The following PTGDR2 variants were observed in gnomAD, a reference collection of about 807,000 sequenced individuals.
PTGDR2 encodes prostaglandin D2 receptor 2.
For missense variants in PTGDR2, 544 were observed against 576.6 expected (o/e 0.94, Z 0.58); for synonymous variants, 276 against 278.4 (o/e 0.99, Z 0.09).
rs1855285272 is a variant in PTGDR2, at chr11:60,852,533, T to C, written c.*2A>G. 1 of 1,261,814 alleles carries C rather than the reference T, an allele frequency of 7.9e-7. No individual in the cohort carries two copies. The highest frequency in any genetic ancestry group is 4.2e-5 in the Admixed American group (1 of 23,852). 78.2% of individuals were successfully genotyped at this position (1,261,814 alleles called of 1,614,324 possible). ...TGAGTGCCGCCCTACGTGGGCCGGGTTCTAACTCGAGGTGCTGCTCAGCGC... is the reference window on the plus strand; with the variant it reads ...TGAGTGCCGCCCTACGTGGGCCGGGCTCTAACTCGAGGTGCTGCTCAGCGC... On this transcript the variant is annotated 3_prime_UTR_variant, in exon 2 of 2. Transcript: ENST00000332539.
Position 60,852,433 on chromosome 11 carries a change from C to T in PTGDR2, c.*102G>A. 1 of 1,058,010 alleles carries T rather than the reference C, an allele frequency of 9.5e-7. No homozygotes were observed. The highest frequency in any genetic ancestry group is 1.2e-6 in the Non-Finnish European group (1 of 829,478). 65.5% of individuals were successfully genotyped at this position (1,058,010 alleles called of 1,614,324 possible). A position where few individuals can be genotyped will look rare whatever the true frequency, so the allele number is the denominator to read the frequency against. The stretch of plus-strand genomic sequence containing the variant: ...AAAATGCAGGTGCCTGGGTCCCGCC[C>T]CTCGGACTTTGATCACTGCGGCAGG... On this transcript the variant is annotated 3_prime_UTR_variant, in exon 2 of 2. Transcript: ENST00000332539.
rs41501047 is a variant in PTGDR2 at position 60,854,251 on chromosome 11, T to C, written c.-9-520A>G. Among the ~76,000 whole-genome samples, 926 of 152,324 alleles carry C rather than the reference T, an allele frequency of 6.1e-3. 6 individuals carry two copies. The highest frequency in any genetic ancestry group is 1.0e-2 in the Non-Finnish European group (678 of 68,016). ...CCACAGCATCCACAGCGCCCCCAGA[T>C]GTTGCCTCTCTACAGATCCTCCATG... On this transcript the variant is annotated intron_variant, in intron 1 of 1. Transcript: ENST00000332539.
intron 1 of PTGDR2, among the ~76,000 whole-genome samples, chr11:60,855,040 G>A (rs1321855577): frequency 6.6e-6 from 1 of 152,188 alleles, no homozygotes; most frequent in African/African-American, 2.4e-5. Flanking sequence ...TTGTAGAGTG[G>A]GGTTCTGGAA....
intron 1 of PTGDR2, among the ~76,000 whole-genome samples, chr11:60,854,046 T>C (rs1313239029): frequency 6.6e-6 from 1 of 152,226 alleles, no homozygotes; most frequent in Non-Finnish European, 1.5e-5. Flanking sequence ...GCAAGCACTT[T>C]ATCAGTGTCA....
chr11:60,852,725 A>T lies in PTGDR2; in HGVS notation c.998T>A (p.Leu333Gln), dbSNP rs1246490105. 1 of 1,475,962 alleles carries T rather than the reference A, an allele frequency of 6.8e-7. No individual in the cohort carries two copies. The highest frequency in any genetic ancestry group is 1.5e-5 in the African/African-American group (1 of 68,272). The allele number at this position is 1,475,962 out of a possible 1,614,324, so 91.4% of individuals were successfully genotyped here. Residue 333 changes from leucine to glutamine, a missense_variant, in exon 2 of 2, where the codon CTG becomes CAG. By Grantham distance (113) the Leu-to-Gln change is moderately radical. Coordinates refer to ENST00000332539, the MANE Select transcript of PTGDR2 (RefSeq NM_004778.3). ...LESVLVDDSE[L>Q]GGAGSSRRRR... is the part of the protein sequence containing the mutation. ...GCGGCGGCTGCTTCCCGCGCCACCC[A>T]GCTCGCTGTCGTCCACCAGCACGCT... is the stretch of plus-strand genomic sequence containing the variant.
Position 60,853,701 on chromosome 11 carries a change from T to C in PTGDR2, c.22A>G (p.Lys8Glu). 6.5e-7 allele frequency: 1 copy of C among 1,547,544 alleles called. No individual in the cohort carries two copies. The highest frequency in any genetic ancestry group is 8.7e-7 in the Non-Finnish European group (1 of 1,146,424). The change falls in exon 2 of 2, where the codon AAG becomes GAG. Residue 8 changes from lysine to glutamate, a missense_variant. By Grantham distance (56) the Lys-to-Glu change is moderately conservative. Transcript: ENST00000332539. ...TGCTCCAGGATGGGGCAGAGTGGCT[T>C]CAGTGTGGCGTTGGCCGACATCGTG... MSANATL[K>E]PLCPILEQMS...
rs1855292592 is a variant in PTGDR2, at chr11:60,852,772, G to A, written c.951C>T (p.Arg317=). The part of the protein sequence containing the change: ...TCPDMLRKLR[R]SLRTVLESVL... ...CGCTCTCCAGCACCGTGCGCAGCGA[G>A]CGCCGCAGCTTGCGCAGCATGTCGG... Residue 317 remains arginine, a synonymous_variant, in exon 2 of 2, where the codon CGC becomes CGT. Transcript: ENST00000332539. The A allele has an allele frequency of 5.8e-6, 9 of 1,546,844 alleles. 1 individual carries two copies. In the East Asian group the frequency reaches 2.2e-4, roughly 38 times the overall value.
chr11:60,852,646 G>C lies in PTGDR2; in HGVS notation c.1077C>G (p.Arg359=), dbSNP rs1418891897. 7.5e-7 allele frequency: 1 copy of C among 1,341,822 alleles called. No homozygotes were observed. Among genetic ancestry groups the C allele is most frequent in the East Asian group, 3.1e-5 (1 of 32,348 alleles). 83.1% of individuals were successfully genotyped at this position (1,341,822 alleles called of 1,614,324 possible). A position where few individuals can be genotyped will look rare whatever the true frequency, so the allele number is the denominator to read the frequency against. ...RSASPLALCS[R]PEEPRGPARL... is the part of the protein sequence containing the mutation. ...GCGCGGGGCCCCGCGGTTCCTCCGG[G>C]CGGCTGCAGAGAGCTAAAGGGGAGG... Residue 359 remains arginine (R), a synonymous_variant, in exon 2 of 2, where the codon CGC becomes CGG. Transcript: ENST00000332539.
chr11:60,852,455 CAG>C lies in PTGDR2; in HGVS notation c.*78_*79del, dbSNP rs1422985985. On this transcript the variant is annotated 3_prime_UTR_variant, in exon 2 of 2. Transcript: ENST00000332539. ...GCCCCTCGGACTTTGATCACTGCGG[CAG>C]GAGTCCGGATATCGAATTGAACCGC... 8.5e-7 allele frequency: 1 copy of C among 1,181,800 alleles called. No individual in the cohort carries two copies. The highest frequency in any genetic ancestry group is 1.6e-5 in the African/African-American group (1 of 63,126). The allele number at this position is 1,181,800 out of a possible 1,614,324, so 73.2% of individuals were successfully genotyped here.
intron 1 of PTGDR2, among the ~76,000 whole-genome samples, chr11:60,854,232 C>T (rs1855326384): frequency 6.6e-6 from 1 of 152,210 alleles, no homozygotes; most frequent in African/African-American, 2.4e-5. Flanking sequence ...CTTCCCACAG[C>T]ATCCACAGCG....
At position 60,852,874 on chromosome 11, in the gene PTGDR2, C is replaced by A; in HGVS notation, c.849G>T (p.Trp283Cys). The A allele has an allele frequency of 6.5e-7, 1 of 1,541,858 alleles. No individual in the cohort carries two copies. The highest frequency in any genetic ancestry group is 1.4e-5 in the African/African-American group (1 of 71,858). The change falls in exon 2 of 2, where the codon TGG becomes TGT. Residue 283 changes from tryptophan to cysteine, a missense_variant. Physicochemically the swap from Trp to Cys is radical, Grantham distance 215. Transcript: ENST00000332539. ...HANPGLRPLV[W>C]RGLPFVTSLA... is the part of the protein sequence containing the mutation. Reference sequence around the variant, plus strand: ...GGCTGGTGACGAAGGGCAGCCCGCGCCACACGAGCGGCCGCAGCCCCGGGT... The same window carrying A: ...GGCTGGTGACGAAGGGCAGCCCGCGACACACGAGCGGCCGCAGCCCCGGGT...
In PTGDR2 at chr11:60,852,571, G is replaced by T. The variant is rs1455099977; in HGVS notation, c.1152C>A (p.Gly384=). 7.8e-7 allele frequency: 1 copy of T among 1,283,636 alleles called. No individual in the cohort carries two copies. The highest frequency in any genetic ancestry group is 9.8e-7 in the Non-Finnish European group (1 of 1,016,162). The allele number at this position is 1,283,636 out of a possible 1,614,324, so 79.5% of individuals were successfully genotyped here. A position where few individuals can be genotyped will look rare whatever the true frequency, so the allele number is the denominator to read the frequency against. ...TGCTGCTCAGCGCCCGGTTCAGGGGGCCCGTCTGCGGGGACGCTGCGCAGC... is the reference window on the plus strand; with the variant it reads ...TGCTGCTCAGCGCCCGGTTCAGGGGTCCCGTCTGCGGGGACGCTGCGCAGC... ...LGSCAASPQT[G]PLNRALSSTS... is the part of the protein sequence containing the mutation. Residue 384 remains glycine (G), a synonymous_variant, in exon 2 of 2, where the codon GGC becomes GGA. Transcript: ENST00000332539.
chr11:60,854,303 G>A (rs1855327476), intron 1 of PTGDR2, among the ~76,000 whole-genome samples: 1 of 152,192 alleles, frequency 6.6e-6, no homozygotes, highest in African/African-American at 2.4e-5. Flanking sequence ...GTGGTGGCTG[G>A]TTAGATGTGC....
At position 60,852,713 on chromosome 11, in the gene PTGDR2, C is replaced by T. The variant is rs1294257752; in HGVS notation, c.1010G>A (p.Gly337Glu). 4.1e-6 allele frequency: 6 copies of T among 1,456,520 alleles called. No homozygotes were observed. The highest frequency in any genetic ancestry group is 2.4e-5 in the Admixed American group (1 of 41,536). The allele number at this position is 1,456,520 out of a possible 1,614,324, so 90.2% of individuals were successfully genotyped here. ...LVDDSELGGA[G>E]SSRRRRTSST... Reference sequence around the variant, plus strand: ...GGAGGTGCGGCGGCGGCGGCTGCTTCCCGCGCCACCCAGCTCGCTGTCGTC... The same window carrying T: ...GGAGGTGCGGCGGCGGCGGCTGCTTTCCGCGCCACCCAGCTCGCTGTCGTC... Residue 337 changes from glycine to glutamate, a missense_variant, in exon 2 of 2, where the codon GGA becomes GAA. By Grantham distance (98) the Gly-to-Glu change is moderately conservative. Transcript: ENST00000332539.
Position 60,853,177 on chromosome 11 carries a change from G to A in PTGDR2, c.546C>T (p.Cys182=), listed in dbSNP as rs1855306234. The change falls in exon 2 of 2, where the codon TGC becomes TGT. Residue 182 remains cysteine, a synonymous_variant. Transcript: ENST00000332539. Reference sequence around the variant, plus strand: ...GGTTCAGGAGCAGCACATTGTAGTAGCACATAATGCGCCCGTCCAGCCGCG... The same window carrying A: ...GGTTCAGGAGCAGCACATTGTAGTAACACATAATGCGCCCGTCCAGCCGCG... The part of the protein sequence containing the change: ...TISRLDGRIM[C]YYNVLLLNPG... The A allele has an allele frequency of 6.2e-7, 1 of 1,610,066 alleles. No homozygotes were observed. The highest frequency in any genetic ancestry group is 8.5e-7 in the Non-Finnish European group (1 of 1,179,888).
In PTGDR2 at chr11:60,853,496, G is replaced by T; in HGVS notation, c.227C>A (p.Ser76Tyr). ...CAGGGAAGCAGAGGCCAACAGGTCG[G>T]ACAGCGCCAGGTGCAGCACCCAGGT... is the stretch of plus-strand genomic sequence containing the variant. ...VTTWVLHLAL[S>Y]DLLASASLPF... Residue 76 changes from serine to tyrosine, a missense_variant, in exon 2 of 2, where the codon TCC becomes TAC. By Grantham distance (144) the Ser-to-Tyr change is moderately radical. Transcript: ENST00000332539. The T allele has an allele frequency of 6.4e-7, 1 of 1,561,816 alleles. No individual in the cohort carries two copies. The highest frequency in any genetic ancestry group is 1.2e-5 in the South Asian group (1 of 84,806).
In PTGDR2 at chr11:60,851,506, G is replaced by T. The variant is rs575760219; in HGVS notation, c.*1029C>A. 57 of 152,350 alleles carry T rather than the reference G, an allele frequency of 3.7e-4. No individual in the cohort carries two copies. The highest frequency in any genetic ancestry group is 1.3e-3 in the African/African-American group (54 of 41,560). 9.4% of individuals were successfully genotyped at this position (152,350 alleles called of 1,614,324 possible). A position where few individuals can be genotyped will look rare whatever the true frequency, so the allele number is the denominator to read the frequency against. ...TAGCTGCCCAGCCCCATGTGGCCTG[G>T]AGGCGGGGCTGCACAGATCTTGGGA... is the stretch of plus-strand genomic sequence containing the variant. On this transcript the variant is annotated 3_prime_UTR_variant, in exon 2 of 2. Transcript: ENST00000332539.
intron 1 of PTGDR2, among the ~76,000 whole-genome samples, chr11:60,854,239 A>C (rs1283609331): frequency 6.6e-6 from 1 of 152,212 alleles, no homozygotes; most frequent in Non-Finnish European, 1.5e-5. Flanking sequence ...CAGCATCCAC[A>C]GCGCCCCCAG....
In PTGDR2 at chr11:60,852,859, G is replaced by GA. The variant is rs770703121; in HGVS notation, c.863dup (p.Val289ArgfsTer138). On this transcript the variant is annotated frameshift_variant, in exon 2 of 2. Transcript: ENST00000332539. LOFTEE classifies it low-confidence loss of function (END_TRUNC). ...TGTTGAAGAAGGCCAGGCTGGTGAC[G>GA]AAGGGCAGCCCGCGCCACACGAGCG... 22 of 1,550,560 alleles carry GA rather than the reference G, an allele frequency of 1.4e-5. No homozygotes were observed. Among genetic ancestry groups the GA allele is most frequent in the Non-Finnish European group, 1.9e-5 (22 of 1,148,150 alleles).
Sources: gnomAD v4.1 joint callset for allele counts (sites outside exome capture counted in the v4.1 genomes callset) on GRCh38, gnomAD v4.1.1 for gene constraint, MANE v1.5 for transcripts, NCBI Gene and HGNC (gene_info 2026-07-23, HGNC 2026-07-21) for gene names.